Variants in VCAN observed in about 807,000 individuals in gnomAD.
VCAN encodes the protein versican.
Under a neutral mutation model 245.5 loss-of-function variants are expected in VCAN, and 44 were observed. The ratio of observed to expected loss-of-function variants is 0.18; its 90% confidence interval spans 0.14 to 0.23. The LOEUF is 0.23. Among genes scored for constraint, VCAN ranks in the 10% least tolerant of loss-of-function variants. The pLI is 1.00. For missense variants in VCAN, 3,793 were observed against 4,057.9 expected (o/e 0.93, Z 1.77); for synonymous variants, 1,413 against 1,437.0 (o/e 0.98, Z 0.38).
chr5:83,563,347 G>A (rs1747945544), intron 12 of VCAN, among the ~76,000 whole-genome samples: 1 of 152,174 alleles, frequency 6.6e-6, no homozygotes, highest in Admixed American at 6.6e-5. Context: ...ACAAGACAAA[G>A]TTAAATGCAC....
At chr5:83,527,325 G>A (rs1033635782) in intron 7 of VCAN, among the ~76,000 whole-genome samples, 1 of 152,214 alleles carries the variant, frequency 6.6e-6, no homozygotes, top group African/African-American at 2.4e-5. Context: ...ATCTCTGAAA[G>A]TGGATGGGTC....
At chr5:83,563,693 G>A (rs917589359) in intron 12 of VCAN, among the ~76,000 whole-genome samples, 3 of 152,164 alleles carry the variant, frequency 2.0e-5, no homozygotes, top group African/African-American at 7.2e-5. Flanking sequence ...ATTGAATTTT[G>A]TAGCTCTGGG....
intron 1 of VCAN, among the ~76,000 whole-genome samples, chr5:83,482,272 A>G (rs1331584745): frequency 6.6e-6 from 1 of 152,150 alleles, no homozygotes; most frequent in Non-Finnish European, 1.5e-5. Context: ...AAAACTGACC[A>G]CCTCTTCCTT....
At chr5:83,534,397 A>G (rs1387236784) in intron 7 of VCAN, among the ~76,000 whole-genome samples, 1 of 151,986 alleles carries the variant, frequency 6.6e-6, no homozygotes, top group Non-Finnish European at 1.5e-5. Context: ...TTTTAACTTC[A>G]TTATTTACAA....
At chr5:83,548,443 A>T (rs1747322616) in intron 10 of VCAN, among the ~76,000 whole-genome samples, 1 of 152,248 alleles carries the variant, frequency 6.6e-6, no homozygotes, top group Admixed American at 6.5e-5. Flanking sequence ...AGCACTTGAG[A>T]CTCAATGGAC....
chr5:83,490,359 G>A lies in VCAN; in HGVS notation c.332G>A (p.Gly111Asp). 1 of 1,614,200 alleles carries A rather than the reference G, an allele frequency of 6.2e-7. No individual in the cohort carries two copies. The highest frequency in any genetic ancestry group is 8.5e-7 in the Non-Finnish European group (1 of 1,180,028). The change falls in exon 3 of 15, where the codon GGC becomes GAC. Residue 111 changes from glycine to aspartate, a missense_variant. Around this residue, in one of 5 missense-constraint regions of VCAN, gnomAD observed 179 missense variants for 169.7 expected, o/e 1.05. Coordinates refer to ENST00000265077, the MANE Select transcript of VCAN (RefSeq NM_004385.5). Reference protein sequence around the residue: ...VSVPTHPEAVGDASLTVVKLL... With the variant: ...VSVPTHPEAVDDASLTVVKLL... ...GTGCCCACACATCCCGAGGCTGTGGGCGATGCCTCCCTCACTGTGGTCAAG... is the reference window on the plus strand; with the variant it reads ...GTGCCCACACATCCCGAGGCTGTGGACGATGCCTCCCTCACTGTGGTCAAG...
chr5:83,516,420 C>G (rs1017747142), intron 6 of VCAN, among the ~76,000 whole-genome samples: 1 of 152,152 alleles, frequency 6.6e-6, no homozygotes, highest in Non-Finnish European at 1.5e-5. Context: ...AGTCATTTCT[C>G]AATAATGTAG....
At chr5:83,559,107 C>A (rs1207119571) in intron 12 of VCAN, among the ~76,000 whole-genome samples, 1 of 152,128 alleles carries the variant, frequency 6.6e-6, no homozygotes, top group Non-Finnish European at 1.5e-5. Context: ...TAATGAATTG[C>A]TTTGCTTGTC....
intron 7 of VCAN, among the ~76,000 whole-genome samples, chr5:83,533,819 G>T (rs142916333): frequency 6.6e-6 from 1 of 152,114 alleles, no homozygotes; most frequent in Non-Finnish European, 1.5e-5. Flanking sequence ...TGAGCAATTG[G>T]AAGTGTTAGA....
chr5:83,490,372 C>G lies in VCAN; in HGVS notation c.345C>G (p.Leu115=), dbSNP rs1411913795. The G allele has an allele frequency of 1.2e-6, 2 of 1,614,096 alleles. No homozygotes were observed. The highest frequency in any genetic ancestry group is 1.7e-6 in the Non-Finnish European group (2 of 1,180,056). Residue 115 remains leucine (L), a synonymous_variant, in exon 3 of 15, where the codon CTC becomes CTG. Coordinates refer to ENST00000265077, the MANE Select transcript of VCAN (RefSeq NM_004385.5). Reference sequence around the variant, plus strand: ...CCGAGGCTGTGGGCGATGCCTCCCTCACTGTGGTCAAGCTGCTGGCAAGTG... The same window carrying G: ...CCGAGGCTGTGGGCGATGCCTCCCTGACTGTGGTCAAGCTGCTGGCAAGTG... ...THPEAVGDAS[L]TVVKLLASDA...
Position 83,537,750 on chromosome 5 carries a change from A to G in VCAN, c.4747A>G (p.Thr1583Ala), listed in dbSNP as rs200800846. Residue 1583 changes from threonine (T) to alanine (A), a missense_variant, in exon 8 of 15, where the codon ACT becomes GCT. Thr to Ala is a moderately conservative substitution (Grantham distance 58, BLOSUM62 0). Coordinates refer to ENST00000265077, the MANE Select transcript of VCAN (RefSeq NM_004385.5). Reference sequence around the variant, plus strand: ...AGAAAAAAGTACTTCTGTCACATACACTCCCACTATAGTTCCAAGTTCTGC... The same window carrying G: ...AGAAAAAAGTACTTCTGTCACATACGCTCCCACTATAGTTCCAAGTTCTGC... ...EVEKSTSVTY[T>A]PTIVPSSASA... 5 of 1,613,820 alleles carry G rather than the reference A, an allele frequency of 3.1e-6. No homozygotes were observed. The African/African-American group carries it at 5.3e-5, about 17-fold the overall frequency.
intron 10 of VCAN, among the ~76,000 whole-genome samples, chr5:83,549,212 G>A (rs781005609): frequency 1.5e-4 from 23 of 152,160 alleles, no homozygotes; most frequent in Non-Finnish European, 2.1e-4. Context: ...TCAAAAAATC[G>A]TTTTTTCAAT....
At chr5:83,570,481 AT>A (rs954157996) in intron 12 of VCAN, among the ~76,000 whole-genome samples, 19 of 152,168 alleles carry the variant, frequency 1.2e-4, no homozygotes, top group South Asian at 6.2e-4. Flanking sequence ...AAAGATCTAA[AT>A]TTTTTTTACC....
chr5:83,510,078 G>A (rs754766614), intron 5 of VCAN, among the ~76,000 whole-genome samples: 11 of 152,112 alleles, frequency 7.2e-5, no homozygotes, highest in Non-Finnish European at 1.0e-4. Context: ...TGTGAGAGCC[G>A]GGAGGGGAAC....
intron 5 of VCAN, among the ~76,000 whole-genome samples, chr5:83,502,148 T>A (rs2112373170): frequency 6.6e-6 from 1 of 152,286 alleles, no homozygotes; most frequent in East Asian, 1.9e-4. Context: ...CTTGCAACCT[T>A]GCTGAACTTG....
chr5:83,530,769 C>A (rs139662096), intron 7 of VCAN, among the ~76,000 whole-genome samples: 2 of 151,922 alleles, frequency 1.3e-5, no homozygotes. Context: ...AGTGGTGATG[C>A]GTTTTAGTAG....
At position 83,509,022 on chromosome 5, in the gene VCAN, A is replaced by G. The variant is rs563054570; in HGVS notation, c.749-3081A>G. ...TGCCTGGACAATTTAGCAAGACTCT[A>G]TCTTTTTTGAAAAGAAAGAAAGAAA... On this transcript the variant is annotated intron_variant, in intron 5 of 14. Coordinates refer to ENST00000265077, the MANE Select transcript of VCAN (RefSeq NM_004385.5). 3.3e-5 allele frequency among the ~76,000 whole-genome samples: 5 copies of G among 151,908 alleles called. No homozygotes were observed. In the East Asian group the frequency reaches 7.7e-4, roughly 24 times the overall value.
intron 9 of VCAN, among the ~76,000 whole-genome samples, chr5:83,547,233 C>A (rs1242184529): frequency 2.0e-5 from 3 of 152,170 alleles, no homozygotes; most frequent in Admixed American, 1.3e-4. Context: ...TTACTTCACA[C>A]TCTAGTCAAG....
intron 7 of VCAN, among the ~76,000 whole-genome samples, chr5:83,524,898 A>G (rs79798234): frequency 0.026 from 3,962 of 152,220 alleles, 87 homozygotes; most frequent in South Asian, 0.041. Flanking sequence ...TCCTTGGTGC[A>G]TGTGTGAACT....
Sources: allele counts gnomAD v4.1 joint callset (sites outside exome capture counted in the v4.1 genomes callset), GRCh38; gene constraint gnomAD v4.1.1; regional missense constraint gnomAD v4.1.1; transcripts MANE v1.5; gene names NCBI Gene and HGNC (gene_info 2026-07-23, HGNC 2026-07-21).